Variants in SLIT1 observed in about 807,000 individuals in gnomAD.
The protein encoded by SLIT1 is slit guidance ligand 1, also known as slit homolog 1 protein.
In SLIT1, 66 loss-of-function variants were observed where a neutral mutation model predicts 186.1. The observed-to-expected ratio is 0.35, with a 90% CI of 0.29 to 0.44. SLIT1 has a LOEUF of 0.44. Ranked by LOEUF, SLIT1 falls within the 20% of genes least tolerant of loss-of-function variation. The pLI is 1.00. For missense variants in SLIT1, 1,638 were observed against 2,037.4 expected, an observed-to-expected ratio of 0.80 and a Z score of 3.77; for synonymous variants, 761 against 833.8, an observed-to-expected ratio of 0.91 and a Z score of 1.50.
chr10:97,093,906 C>T, intron 4 of SLIT1, among the ~76,000 whole-genome samples: 1 of 152,212 alleles, frequency 6.6e-6, no homozygotes, highest in East Asian at 1.9e-4. Context: ...AGAATAGGGC[C>T]TCCCTCACAG....
intron 4 of SLIT1, among the ~76,000 whole-genome samples, chr10:97,100,410 G>A (rs1387135017): frequency 6.6e-6 from 1 of 152,112 alleles, no homozygotes; most frequent in Non-Finnish European, 1.5e-5. Context: ...GATCACTTGA[G>A]GCCAGGAGTT....
At chr10:97,167,983 G>T (rs28694302) in intron 1 of SLIT1, among the ~76,000 whole-genome samples, 115 of 152,260 alleles carry the variant, frequency 7.6e-4, no homozygotes, top group African/African-American at 2.7e-3. Flanking sequence ...ACCCAGTCTC[G>T]GGTATGTCTT....
chr10:97,117,271 C>T (rs1296954428), intron 4 of SLIT1, among the ~76,000 whole-genome samples: 2 of 134,304 alleles, frequency 1.5e-5, no homozygotes, highest in Non-Finnish European at 3.4e-5. Context: ...GTCCAAAGAG[C>T]AAAGCAGGTA....
intron 4 of SLIT1, among the ~76,000 whole-genome samples, chr10:97,152,377 C>T (rs1238311789): frequency 3.3e-5 from 5 of 152,286 alleles, no homozygotes; most frequent in East Asian, 3.9e-4. Flanking sequence ...CAATATGGGA[C>T]GCAGGTCCAG....
chr10:97,117,663 G>A (rs1173099714), intron 4 of SLIT1, among the ~76,000 whole-genome samples: 1 of 152,174 alleles, frequency 6.6e-6, no homozygotes, highest in Non-Finnish European at 1.5e-5. Context: ...AAAAGTCCAT[G>A]AGGCTTGGGC....
At chr10:97,035,099 T>C (rs911868229) in intron 22 of SLIT1, among the ~76,000 whole-genome samples, 29 of 150,448 alleles carry the variant, frequency 1.9e-4, no homozygotes, top group Non-Finnish European at 1.5e-5. Flanking sequence ...CCGAGTCACC[T>C]GTGGCATCTG....
At chr10:97,067,704 G>A (rs1848961383) in intron 4 of SLIT1, among the ~76,000 whole-genome samples, 2 of 152,150 alleles carry the variant, frequency 1.3e-5, no homozygotes, top group Admixed American at 1.3e-4. Flanking sequence ...TTGGACCCGG[G>A]CTCCCTGCCC....
chr10:97,012,216 T>C (rs1179654271), intron 30 of SLIT1, among the ~76,000 whole-genome samples: 1 of 152,170 alleles, frequency 6.6e-6, no homozygotes, highest in Admixed American at 6.5e-5. Flanking sequence ...CTTTGTTTCA[T>C]CTTTTAATGT....
rs1369489907 is a variant in SLIT1, at chr10:97,022,690, T to A, written c.2583-1277A>T. ...AAACCCCATGTTCATCAATGGGGAG[T>A]GGTTATATAAATTGTGATACATTCA... On this transcript the variant is annotated intron_variant, in intron 25 of 36. Coordinates refer to ENST00000266058, the MANE Select transcript of SLIT1 (RefSeq NM_003061.3). The surrounding 1 kb of genome is among the most constrained non-coding windows in gnomAD (Gnocchi z 4.2). 6.6e-6 allele frequency among the ~76,000 whole-genome samples: 1 copy of A among 151,930 alleles called. No individual in the cohort carries two copies. Among genetic ancestry groups the A allele is most frequent in the Non-Finnish European group, 1.5e-5 (1 of 68,012 alleles).
chr10:97,063,537 C>T lies in SLIT1; in HGVS notation c.711G>A (p.Gly237=), dbSNP rs1176423433. Reference sequence around the variant, plus strand: ...CTGGGCCCGAGCACTGGGTGAAGAGCCCGATGGTTGGCCGCTGCCTCAGCC... The same window carrying T: ...CTGGGCCCGAGCACTGGGTGAAGAGTCCGATGGTTGGCCGCTGCCTCAGCC... ...SQWLRQRPTI[G]LFTQCSGPAS... Residue 237 remains glycine (G), a synonymous_variant, in exon 8 of 37, where the codon GGG becomes GGA. Transcript: ENST00000266058. The T allele has an allele frequency of 1.9e-6, 3 of 1,613,024 alleles. No homozygotes were observed. Among genetic ancestry groups the T allele is most frequent in the African/African-American group, 1.3e-5 (1 of 74,888 alleles).
chr10:97,060,173 G>T lies in SLIT1; in HGVS notation c.942-15C>A, dbSNP rs370993836. On this transcript the variant is annotated splice_polypyrimidine_tract_variant and intron_variant, in intron 9 of 36. Coordinates refer to ENST00000266058, the MANE Select transcript of SLIT1 (RefSeq NM_003061.3). ...GCTCCAGGCGTCTGCGGGGAGAAAA[G>T]AGAGGGGAAGCCCAAGGGCCCAGGT... 46 of 1,612,132 alleles carry T rather than the reference G, an allele frequency of 2.9e-5. No homozygotes were observed. The African/African-American group carries it at 6.1e-4, about 21-fold the overall frequency.
intron 4 of SLIT1, among the ~76,000 whole-genome samples, chr10:97,085,214 C>T (rs1223828387): frequency 2.6e-5 from 4 of 151,756 alleles, no homozygotes; most frequent in East Asian, 2.0e-4. Context: ...TGAGCCACCA[C>T]GCCCAGCGTT....
chr10:97,047,143 G>C (rs1314846419), intron 16 of SLIT1, 78 bp from the exon 17 acceptor site: 1 of 945,094 alleles, frequency 1.1e-6, no homozygotes, highest in Non-Finnish European at 1.7e-6. Context: ...GAATATTTGG[G>C]ACTCAAACAG....
intron 4 of SLIT1, chr10:97,154,948 G>A (rs953038926): frequency 3.9e-5 from 6 of 152,256 alleles, no homozygotes; most frequent in African/African-American, 1.4e-4. Flanking sequence ...CCTGACTCTC[G>A]GGAAGTCACT....
chr10:97,016,988 G>A (rs1848459566), intron 28 of SLIT1, among the ~76,000 whole-genome samples: 1 of 152,218 alleles, frequency 6.6e-6, no homozygotes, highest in African/African-American at 2.4e-5. Context: ...GGTAGCGGGA[G>A]TAGACACAGG....
intron 4 of SLIT1, among the ~76,000 whole-genome samples, chr10:97,121,278 C>T (rs929173268): frequency 6.6e-6 from 1 of 152,192 alleles, no homozygotes; most frequent in African/African-American, 2.4e-5. Flanking sequence ...CCCTGAGAAG[C>T]CACGCTGAAG....
At chr10:97,028,832 C>A (rs750514229) in intron 25 of SLIT1, among the ~76,000 whole-genome samples, 9 of 152,330 alleles carry the variant, frequency 5.9e-5, no homozygotes, top group Non-Finnish European at 1.2e-4. Flanking sequence ...ATCAGACACA[C>A]CTAAATTCAA....
intron 30 of SLIT1, among the ~76,000 whole-genome samples, chr10:97,012,607 T>C (rs1848421640): frequency 1.3e-5 from 2 of 152,248 alleles, no homozygotes; most frequent in South Asian, 4.1e-4. Context: ...GGGCGCATGC[T>C]GCCCAATCTG....
Position 97,032,325 on chromosome 10 carries a change from T to C in SLIT1, c.2439-648A>G, listed in dbSNP as rs554590188. Among the ~76,000 whole-genome samples the C allele has an allele frequency of 3.9e-5, 6 of 152,168 alleles. No homozygotes were observed. The South Asian group carries it at 1.2e-3, about 32-fold the overall frequency. ...GGCTGACTCTTGTAATCCCAGCACT[T>C]TGGGAAGCTGAGGTGGGCGGATCAC... On this transcript the variant is annotated intron_variant, in intron 23 of 36. Coordinates refer to ENST00000266058, the MANE Select transcript of SLIT1 (RefSeq NM_003061.3).
Sources: gnomAD v4.1 joint callset for allele counts (sites outside exome capture counted in the v4.1 genomes callset) on GRCh38, gnomAD v4.1.1 for gene constraint, Gnocchi (gnomAD v3.1) non-coding constraint, MANE v1.5 for transcripts, NCBI Gene and HGNC (gene_info 2026-07-23, HGNC 2026-07-21) for gene names.